Variants in NUFIP2 observed in about 807,000 individuals in gnomAD.
NUFIP2 encodes the protein FMR1-interacting protein NUFIP2.
In NUFIP2, 6 loss-of-function variants were observed where a neutral mutation model predicts 56.9. That is an observed-to-expected ratio of 0.11 (90% CI 0.06 to 0.21). The LOEUF (loss-of-function observed/expected upper bound fraction) is 0.21, where lower values mean the gene tolerates loss of function less well. NUFIP2 is among the 10% of genes least tolerant of loss of function. NUFIP2 has a pLI of 1.00. For missense variants in NUFIP2, 828 were observed against 826.8 expected, an observed-to-expected ratio of 1.00 and a Z score of -0.02; for synonymous variants, 321 against 298.2, an observed-to-expected ratio of 1.08 and a Z score of -0.79.
rs751250575 is a variant in NUFIP2 at position 29,293,913 on chromosome 17, ATGG to A, written c.144_146del (p.His51del). 1.6e-4 allele frequency: 254 copies of A among 1,611,778 alleles called. No individual in the cohort carries two copies. The highest frequency in any genetic ancestry group is 2.1e-4 in the Non-Finnish European group (244 of 1,178,622). On this transcript the variant is annotated inframe_deletion, in exon 1 of 4. Coordinates refer to ENST00000225388, the MANE Select transcript of NUFIP2 (RefSeq NM_020772.3). ...GGTATTGGTGAGGCTGCTGGTGATGATGGTGGTGGTGGTGGTTGTGGCTGTGGT... is the reference window on the plus strand; with the variant it reads ...GGTATTGGTGAGGCTGCTGGTGATGATGGTGGTGGTGGTTGTGGCTGTGGT...
chr17:29,280,158 A>T (rs1386739966), intron 2 of NUFIP2, among the ~76,000 whole-genome samples: 1 of 152,178 alleles, frequency 6.6e-6, no homozygotes, highest in East Asian at 1.9e-4. Flanking sequence ...CAGCATTTCA[A>T]ATGCTTCATA....
At chr17:29,291,083 G>T (rs988177332) in intron 1 of NUFIP2, among the ~76,000 whole-genome samples, 5 of 148,628 alleles carry the variant, frequency 3.4e-5, no homozygotes, top group African/African-American at 1.2e-4. Flanking sequence ...ACTACATAAA[G>T]TTTTTCTCAT....
intron 1 of NUFIP2, 21 bp from the exon 2 acceptor site, chr17:29,287,737 G>C (rs770274830): frequency 1.9e-6 from 3 of 1,539,690 alleles, no homozygotes; most frequent in Non-Finnish European, 2.6e-6. Flanking sequence ...GGAAAAAAAG[G>C]ATTAAAAAAA....
At chr17:29,269,353 C>A (rs2069057810) in intron 2 of NUFIP2, among the ~76,000 whole-genome samples, 8 of 152,084 alleles carry the variant, frequency 5.3e-5, no homozygotes, top group Admixed American at 5.2e-4. Flanking sequence ...AGTTAAGGCA[C>A]AACATAATCC....
chr17:29,291,470 C>T (rs1375697116), intron 1 of NUFIP2, among the ~76,000 whole-genome samples: 4 of 152,158 alleles, frequency 2.6e-5, no homozygotes, highest in African/African-American at 9.7e-5. Context: ...CATGTCAAAG[C>T]AACAGTACTG....
At position 29,286,165 on chromosome 17, in the gene NUFIP2, C is replaced by A. The variant is rs1457741307; in HGVS notation, c.1829G>T (p.Gly610Val). The A allele has an allele frequency of 6.2e-7, 1 of 1,613,978 alleles. No individual in the cohort carries two copies. The highest frequency in any genetic ancestry group is 2.2e-5 in the East Asian group (1 of 44,894). The change falls in exon 2 of 4, where the codon GGT becomes GTT. Residue 610 changes from glycine (G) to valine (V), a missense_variant. Gly to Val is a moderately radical substitution (Grantham distance 109). Transcript: ENST00000225388. ...DLQKADTSSQ[G>V]ALVFLSKDYE... ...GTCCTTTGAGAGAAACACTAAAGCA[C>A]CTTGACTACTGGTGTCTGCTTTCTG...
chr17:29,285,602 C>A (rs1448708970), intron 2 of NUFIP2, among the ~76,000 whole-genome samples: 2 of 151,724 alleles, frequency 1.3e-5, no homozygotes, highest in African/African-American at 4.8e-5. Flanking sequence ...AGAAAAAAAA[C>A]ACAAAACAAA....
chr17:29,267,630 C>T (rs1337847708), intron 2 of NUFIP2, 100 bp from the exon 3 acceptor site: 7 of 680,074 alleles, frequency 1.0e-5, no homozygotes, highest in Non-Finnish European at 1.7e-5. Context: ...TGATTACTGC[C>T]AGACTGGAGG....
intron 2 of NUFIP2, among the ~76,000 whole-genome samples, chr17:29,268,653 G>T (rs535940604): frequency 2.6e-5 from 4 of 152,138 alleles, no homozygotes; most frequent in African/African-American, 9.7e-5. Context: ...GAGTAGCTGG[G>T]ATTACAGGCA....
intron 2 of NUFIP2, among the ~76,000 whole-genome samples, chr17:29,268,025 A>C (rs1202821267): frequency 6.6e-6 from 1 of 151,986 alleles, no homozygotes; most frequent in East Asian, 1.9e-4. Flanking sequence ...CAACCTCCCG[A>C]GTAGCTGGGA....
At chr17:29,280,668 A>T (rs1370064534) in intron 2 of NUFIP2, among the ~76,000 whole-genome samples, 1 of 151,444 alleles carries the variant, frequency 6.6e-6, no homozygotes, top group Non-Finnish European at 1.5e-5. Context: ...CCTGAGTCAC[A>T]GGGTGAGACC....
At position 29,282,611 on chromosome 17, in the gene NUFIP2, T is replaced by C. The variant is rs1208691967; in HGVS notation, c.2002+3381A>G. On this transcript the variant is annotated intron_variant, in intron 2 of 3. Coordinates refer to ENST00000225388, the MANE Select transcript of NUFIP2 (RefSeq NM_020772.3). Reference sequence around the variant, plus strand: ...CCTTTCTTTATATAAGTTAAATAAATAGTGCACCATTCTTAAAGAAGTGAC... The same window carrying C: ...CCTTTCTTTATATAAGTTAAATAAACAGTGCACCATTCTTAAAGAAGTGAC... Among the ~76,000 whole-genome samples the C allele has an allele frequency of 2.0e-5, 3 of 150,636 alleles. No homozygotes were observed. The East Asian group carries it at 5.8e-4, about 29-fold the overall frequency.
intron 2 of NUFIP2, among the ~76,000 whole-genome samples, chr17:29,268,822 C>T (rs991456568): frequency 6.6e-6 from 1 of 152,084 alleles, no homozygotes; most frequent in Non-Finnish European, 1.5e-5. Flanking sequence ...AGCCACCACA[C>T]CCAGCCCTAA....
In NUFIP2 at chr17:29,293,777, C is replaced by A; in HGVS notation, c.277+6G>T. The A allele has an allele frequency of 6.4e-7, 1 of 1,566,940 alleles. No homozygotes were observed. Among genetic ancestry groups the A allele is most frequent in the Non-Finnish European group, 8.7e-7 (1 of 1,152,046 alleles). ...CCCCTTCCCCCACCCGTCCTCCCTCCCAGACCTGTTTTCTTCTTCGGCGTT... is the reference window on the plus strand; with the variant it reads ...CCCCTTCCCCCACCCGTCCTCCCTCACAGACCTGTTTTCTTCTTCGGCGTT... On this transcript the variant is annotated splice_donor_region_variant and intron_variant, in intron 1 of 3. Transcript: ENST00000225388.
At chr17:29,273,033 T>C (rs72819458) in intron 2 of NUFIP2, among the ~76,000 whole-genome samples, 116 of 92,686 alleles carry the variant, frequency 1.3e-3, no homozygotes, top group Middle Eastern at 4.6e-3. Flanking sequence ...TATATATATA[T>C]ACACACACAC....
intron 1 of NUFIP2, among the ~76,000 whole-genome samples, chr17:29,292,783 G>GCCGCTTC (rs2069224429): frequency 6.7e-6 from 1 of 148,906 alleles, no homozygotes; most frequent in Non-Finnish European, 1.5e-5. Context: ...TCCCCTCGTG[G>GCCGCTTC]CCGCTTCCCT....
chr17:29,268,042 G>A (rs372956694), intron 2 of NUFIP2, among the ~76,000 whole-genome samples: 62 of 152,186 alleles, frequency 4.1e-4, no homozygotes, highest in Middle Eastern at 3.4e-3. Context: ...GGGATTACAG[G>A]TGCCCGCCAC....
At position 29,286,684 on chromosome 17, in the gene NUFIP2, G is replaced by C; in HGVS notation, c.1310C>G (p.Thr437Ser). ...VYPPGGQPLL[T>S]TAANTLTPIS... is the part of the protein sequence containing the mutation. ...GGGTGTTAGAGTATTAGCAGCAGTA[G>C]TTAGCAGTGGCTGACCCCCTGGAGG... The change falls in exon 2 of 4, where the codon ACT (threonine) becomes AGT (serine). Residue 437 changes from threonine to serine, a missense_variant. Physicochemically the swap from Thr to Ser is moderately conservative, Grantham distance 58. This residue lies in a region of NUFIP2 where 404 missense variants were observed against 380.3 expected (regional missense o/e 1.06). Coordinates refer to ENST00000225388, the MANE Select transcript of NUFIP2 (RefSeq NM_020772.3). 2 of 1,614,206 alleles carry C rather than the reference G, an allele frequency of 1.2e-6. No homozygotes were observed. Among genetic ancestry groups the C allele is most frequent in the Non-Finnish European group, 1.7e-6 (2 of 1,180,040 alleles).
intron 3 of NUFIP2, among the ~76,000 whole-genome samples, chr17:29,265,646 T>TTA (rs1462550853): frequency 4.9e-4 from 72 of 146,120 alleles, no homozygotes; most frequent in Middle Eastern, 3.6e-3. Flanking sequence ...ATATATTATA[T>TTA]TATATATATA....
Sources: gnomAD v4.1 joint callset for allele counts (sites outside exome capture counted in the v4.1 genomes callset) on GRCh38, gnomAD v4.1.1 for gene constraint, gnomAD v4.1.1 regional missense constraint, MANE v1.5 for transcripts, NCBI Gene and HGNC (gene_info 2026-07-23, HGNC 2026-07-21) for gene names.